Variants in CHCHD3 observed in about 807,000 individuals in gnomAD.
CHCHD3 encodes the protein MICOS complex subunit MIC19.
Under a neutral mutation model 38.2 loss-of-function variants are expected in CHCHD3, and 20 were observed. The ratio of observed to expected loss-of-function variants is 0.52; its 90% CI spans 0.37 to 0.76. CHCHD3 has a LOEUF of 0.76. Ranked by LOEUF, CHCHD3 falls within the 30% of genes least tolerant of loss-of-function variation. The pLI is 0.00. For missense variants in CHCHD3, 245 were observed against 279.2 expected, an observed-to-expected ratio of 0.88 and a Z score of 0.87; for synonymous variants, 82 against 100.0, an observed-to-expected ratio of 0.82 and a Z score of 1.07.
chr7:132,830,602 C>T (rs769534492), intron 6 of CHCHD3: 3 of 152,080 alleles, frequency 2.0e-5, no homozygotes, highest in East Asian at 1.9e-4. Flanking sequence ...TCTAAATAAC[C>T]GAGTCCATGT....
intron 5 of CHCHD3, among the ~76,000 whole-genome samples, chr7:132,879,223 A>G (rs1404247355): frequency 1.3e-5 from 2 of 152,192 alleles, no homozygotes; most frequent in African/African-American, 4.8e-5. Flanking sequence ...ACATATCTTC[A>G]TATTTAAGAA....
At chr7:132,960,286 C>A (rs1306115737) in intron 4 of CHCHD3, among the ~76,000 whole-genome samples, 1 of 151,434 alleles carries the variant, frequency 6.6e-6, no homozygotes, top group South Asian at 2.1e-4. Context: ...GAAGAGAGGA[C>A]GGGGAAAGCA....
intron 3 of CHCHD3, among the ~76,000 whole-genome samples, chr7:132,982,244 T>C (rs889151017): frequency 1.3e-5 from 2 of 152,196 alleles, no homozygotes; most frequent in South Asian, 4.1e-4. Context: ...TATATGTGGA[T>C]TGAGATTCCA....
intron 4 of CHCHD3, among the ~76,000 whole-genome samples, chr7:132,964,318 C>T (rs1171907690): frequency 2.0e-5 from 3 of 152,194 alleles, no homozygotes; most frequent in African/African-American, 7.2e-5. Context: ...CACAGTGGCT[C>T]ATGCCTGTAA....
intron 2 of CHCHD3, among the ~76,000 whole-genome samples, chr7:133,062,734 C>T (rs1362122661): frequency 6.6e-6 from 1 of 152,166 alleles, no homozygotes; most frequent in African/African-American, 2.4e-5. Context: ...TACTATATTT[C>T]TAATCTACAT....
intron 2 of CHCHD3, among the ~76,000 whole-genome samples, chr7:133,047,278 C>T (rs1814020210): frequency 6.6e-6 from 1 of 152,072 alleles, no homozygotes; most frequent in East Asian, 1.9e-4. Flanking sequence ...CCCAACTCTA[C>T]AAAAAAGAGT....
chr7:133,050,450 A>T (rs554302438), intron 2 of CHCHD3, among the ~76,000 whole-genome samples: 1 of 151,474 alleles, frequency 6.6e-6, no homozygotes, highest in East Asian at 1.9e-4. Context: ...CAACTGCTAC[A>T]TTACTACCAC....
intron 4 of CHCHD3, among the ~76,000 whole-genome samples, chr7:132,974,467 A>C (rs1811705745): frequency 6.6e-6 from 1 of 152,128 alleles, no homozygotes; most frequent in Non-Finnish European, 1.5e-5. Context: ...AACCTTACTC[A>C]CCTTTGCCAG....
chr7:132,964,238 T>C (rs184846092), intron 4 of CHCHD3, among the ~76,000 whole-genome samples: 1 of 152,272 alleles, frequency 6.6e-6, no homozygotes, highest in African/African-American at 2.4e-5. Context: ...GTGACAAAAA[T>C]AATTGAATCA....
intron 3 of CHCHD3, among the ~76,000 whole-genome samples, chr7:133,014,939 C>A (rs917668888): frequency 2.0e-5 from 3 of 152,178 alleles, no homozygotes; most frequent in Non-Finnish European, 2.9e-5. Flanking sequence ...CACATACTCC[C>A]CGCTGTACTA....
chr7:132,950,731 T>C (rs1477201256), intron 4 of CHCHD3, among the ~76,000 whole-genome samples: 1 of 152,232 alleles, frequency 6.6e-6, no homozygotes, highest in African/African-American at 2.4e-5. Context: ...GCACATTAAA[T>C]GCTGTGAATT....
chr7:133,009,084 C>T (rs1183319406), intron 3 of CHCHD3, among the ~76,000 whole-genome samples: 5 of 151,930 alleles, frequency 3.3e-5, no homozygotes, highest in African/African-American at 1.2e-4. Context: ...CGCACAAGGG[C>T]TGGCCACGGT....
intron 2 of CHCHD3, among the ~76,000 whole-genome samples, chr7:133,065,325 T>C (rs1284108232): frequency 2.0e-5 from 3 of 152,274 alleles, no homozygotes; most frequent in African/African-American, 7.2e-5. Context: ...AGCAAAAAAA[T>C]TATATTTTTT....
chr7:132,967,659 AAAT>A (rs891417763), intron 4 of CHCHD3, among the ~76,000 whole-genome samples: 4 of 148,054 alleles, frequency 2.7e-5, no homozygotes, highest in African/African-American at 5.0e-5. Context: ...ATAAATAAAT[AAAT>A]AAATAAAATA....
intron 3 of CHCHD3, among the ~76,000 whole-genome samples, chr7:133,004,165 T>A (rs1812642072): frequency 6.6e-6 from 1 of 152,158 alleles, no homozygotes; most frequent in Admixed American, 6.5e-5. Flanking sequence ...TTTCACCATA[T>A]TGGCCAGGTT....
chr7:132,929,423 T>G (rs1022432492), intron 4 of CHCHD3, among the ~76,000 whole-genome samples: 5 of 152,164 alleles, frequency 3.3e-5, no homozygotes, highest in Admixed American at 1.3e-4. Context: ...TACAGGTAAG[T>G]ATTCTCCAAA....
At chr7:133,068,379 C>T (rs1208651613) in intron 2 of CHCHD3, among the ~76,000 whole-genome samples, 1 of 152,134 alleles carries the variant, frequency 6.6e-6, no homozygotes, top group Non-Finnish European at 1.5e-5. Flanking sequence ...GTGAAGATAG[C>T]AGTCACAGTG....
At chr7:132,808,483 T>C (rs1480379081) in intron 6 of CHCHD3, among the ~76,000 whole-genome samples, 1 of 152,238 alleles carries the variant, frequency 6.6e-6, no homozygotes, top group East Asian at 1.9e-4. Context: ...AGTAGCTGTG[T>C]GATCTTAGGT....
chr7:132,847,028 C>T (rs1272859146), intron 5 of CHCHD3, among the ~76,000 whole-genome samples: 1 of 152,122 alleles, frequency 6.6e-6, no homozygotes, highest in African/African-American at 2.4e-5. Context: ...GCAAGTGTAT[C>T]AACAAATAAC....
Sources: allele counts gnomAD v4.1 joint callset (sites outside exome capture counted in the v4.1 genomes callset), GRCh38; gene constraint gnomAD v4.1.1; transcripts MANE v1.5; gene names NCBI Gene and HGNC (gene_info 2026-07-23, HGNC 2026-07-21).